RUNX1T1: variants seen among roughly 807,000 people sequenced by gnomAD.
The protein encoded by RUNX1T1 is protein CBFA2T1.
RUNX1T1 carries 4 observed loss-of-function variants against 62.8 expected under a neutral mutation model. The ratio of observed to expected loss-of-function variants is 0.06; its 90% confidence interval spans 0.03 to 0.15. RUNX1T1 has a LOEUF of 0.15. Among genes scored for constraint, RUNX1T1 ranks in the 10% least tolerant of loss-of-function variants. The pLI, the probability that RUNX1T1 is intolerant of heterozygous loss-of-function variation, is 1.00. For missense variants in RUNX1T1, 508 were observed against 754.3 expected (o/e 0.67, Z 3.82); for synonymous variants, 291 against 286.0 (o/e 1.02, Z -0.18).
intron 1 of RUNX1T1, chr8:92,095,552 G>C (rs1837668732): frequency 6.8e-7 from 1 of 1,460,222 alleles, no homozygotes; most frequent in Non-Finnish European, 9.0e-7. Context: ...GCAGGGCCCA[G>C]ATGGAGGCAG....
At chr8:92,058,919 A>T (rs778738597) in intron 1 of RUNX1T1, among the ~76,000 whole-genome samples, 1 of 152,160 alleles carries the variant, frequency 6.6e-6, no homozygotes, top group Non-Finnish European at 1.5e-5. Context: ...CCCCTTCAAG[A>T]AAAAGATTAA....
At position 92,041,438 on chromosome 8, in the gene RUNX1T1, A is replaced by G. The variant is rs150763238; in HGVS notation, c.7+21108T>C. Among the ~76,000 whole-genome samples, 613 of 152,252 alleles carry G rather than the reference A, an allele frequency of 4.0e-3. 8 individuals carry two copies. The highest frequency in any genetic ancestry group is 2.5e-3 in the Non-Finnish European group (171 of 68,026). On this transcript the variant is annotated intron_variant, in intron 1 of 10. Transcript: ENST00000396218. Reference sequence around the variant, plus strand: ...GGTTGATTGGCTGGCTGAATGAAAAACTGTTTAAAACTTTGGGTATGGCTG... The same window carrying G: ...GGTTGATTGGCTGGCTGAATGAAAAGCTGTTTAAAACTTTGGGTATGGCTG...
At chr8:92,030,350 A>G (rs1825997742) in intron 1 of RUNX1T1, among the ~76,000 whole-genome samples, 1 of 152,216 alleles carries the variant, frequency 6.6e-6, no homozygotes, top group Non-Finnish European at 1.5e-5. Flanking sequence ...AATTCTTATC[A>G]TATCAACTCA....
intron 1 of RUNX1T1, among the ~76,000 whole-genome samples, chr8:92,060,557 G>A (rs866311663): frequency 9.8e-4 from 111 of 113,056 alleles, no homozygotes; most frequent in Non-Finnish European, 1.2e-3. Flanking sequence ...ATATATATGT[G>A]TGTGTGTGTG....
intron 1 of RUNX1T1, among the ~76,000 whole-genome samples, chr8:92,060,318 T>G (rs1371263509): frequency 6.6e-6 from 1 of 151,768 alleles, no homozygotes; most frequent in Non-Finnish European, 1.5e-5. Flanking sequence ...AAAACATGTT[T>G]TTTAAAACCA....
At chr8:92,081,646 C>T (rs965979296) in intron 1 of RUNX1T1, among the ~76,000 whole-genome samples, 5 of 149,790 alleles carry the variant, frequency 3.3e-5, no homozygotes, top group African/African-American at 1.2e-4. Flanking sequence ...CAAATAAAGG[C>T]ATCTGTTCCA....
upstream of RUNX1T1, chr8:92,103,139 CAA>C (rs1273156331): frequency 2.6e-6 from 1 of 388,904 alleles, no homozygotes; most frequent in Non-Finnish European, 4.5e-6. Context: ...ACGCAGAGCC[CAA>C]GACTTGCGGA....
chr8:91,965,786 G>A (rs900074329), intron 10 of RUNX1T1, among the ~76,000 whole-genome samples: 3 of 151,996 alleles, frequency 2.0e-5, no homozygotes, highest in African/African-American at 4.8e-5. Flanking sequence ...CTTTTCAATC[G>A]CATAGTCACT....
rs1455324759 is a variant in RUNX1T1 at position 92,095,485 on chromosome 8, G to GT, written c.-86+4094dup. 1.6e-5 allele frequency: 24 copies of GT among 1,529,536 alleles called. No homozygotes were observed. The East Asian group carries it at 3.2e-4, about 20-fold the overall frequency. The allele number at this position is 1,529,536 out of a possible 1,614,324, so 94.7% of individuals were successfully genotyped here. Reference sequence around the variant, plus strand: ...TGGCACATTGTGTGTGAGTGAGTGTGTGAGCGCAGGAGGGAGAGGAGAGAA... The same window carrying GT: ...TGGCACATTGTGTGTGAGTGAGTGTGTTGAGCGCAGGAGGGAGAGGAGAGAA... On this transcript the variant is annotated intron_variant, in intron 1 of 11. Coordinates refer to the RUNX1T1 transcript ENST00000265814.
intron 1 of RUNX1T1, among the ~76,000 whole-genome samples, chr8:92,057,918 T>C (rs1831294117): frequency 6.6e-6 from 1 of 152,106 alleles, no homozygotes; most frequent in African/African-American, 2.4e-5. Context: ...AAAACCAAAA[T>C]GAATGCCCTA....
downstream of RUNX1T1, chr8:91,958,874 T>C (rs1383447719): frequency 1.0e-5 from 2 of 193,308 alleles, no homozygotes; most frequent in East Asian, 8.1e-5. Flanking sequence ...AAAAATCCTA[T>C]AAGAGAGTGA....
intron 1 of RUNX1T1, among the ~76,000 whole-genome samples, chr8:92,058,231 T>C (rs915660643): frequency 6.6e-5 from 10 of 152,330 alleles, no homozygotes; most frequent in African/African-American, 2.4e-4. Context: ...TTGAGCAACC[T>C]ACAAATGTCT....
At chr8:92,083,891 C>T (rs983794563) in intron 1 of RUNX1T1, among the ~76,000 whole-genome samples, 3 of 152,296 alleles carry the variant, frequency 2.0e-5, no homozygotes, top group African/African-American at 7.2e-5. Context: ...AAATGTGGCA[C>T]ATATCCACCA....
intron 9 of RUNX1T1, 49 bp downstream of exon 10, chr8:91,975,856 T>C (rs1813813197): frequency 8.0e-7 from 1 of 1,251,824 alleles, no homozygotes; most frequent in Non-Finnish European, 1.2e-6. Context: ...CATTAACAAC[T>C]GCACACAGCT....
In RUNX1T1 at chr8:91,968,660, G is replaced by A. The variant is rs146410196; in HGVS notation, c.1458+1998C>T. ...ATAAGAAAACAGACCTAAGCTGCCT[G>A]TCTTTATCTGCATACAAAAATTATC... On this transcript the variant is annotated intron_variant, in intron 10 of 10. Transcript: ENST00000396218. Among the ~76,000 whole-genome samples, 11 of 152,234 alleles carry A rather than the reference G, an allele frequency of 7.2e-5. No individual in the cohort carries two copies. In the East Asian group the frequency reaches 2.1e-3, roughly 29 times the overall value.
At chr8:92,000,007 T>C (rs1437454738) in intron 5 of RUNX1T1, among the ~76,000 whole-genome samples, 1 of 152,168 alleles carries the variant, frequency 6.6e-6, no homozygotes, top group Non-Finnish European at 1.5e-5. Flanking sequence ...ATCTTTAACA[T>C]ATAAATGTAA....
At chr8:92,074,749 G>A (rs1834176883) in intron 2 of RUNX1T1, among the ~76,000 whole-genome samples, 1 of 152,206 alleles carries the variant, frequency 6.6e-6, no homozygotes. Context: ...GTAGTCATGG[G>A]AGATGTCTCA....
At chr8:91,977,993 G>C (rs1814357074) in intron 8 of RUNX1T1, among the ~76,000 whole-genome samples, 1 of 152,048 alleles carries the variant, frequency 6.6e-6, no homozygotes, top group African/African-American at 2.4e-5. Flanking sequence ...TCACCATGTT[G>C]GCCAGGCTGG....
At chr8:92,008,270 G>A (rs1357125705) in intron 4 of RUNX1T1, among the ~76,000 whole-genome samples, 3 of 151,912 alleles carry the variant, frequency 2.0e-5, no homozygotes, top group Non-Finnish European at 4.4e-5. Flanking sequence ...TATTCAGAAC[G>A]ATGAGGAAGC....
Sources: allele counts gnomAD v4.1 joint callset (sites outside exome capture counted in the v4.1 genomes callset), GRCh38; gene constraint gnomAD v4.1.1; transcripts MANE v1.5; gene names NCBI Gene and HGNC (gene_info 2026-07-23, HGNC 2026-07-21).